The following REST variants were observed in gnomAD, a reference collection of about 807,000 sequenced individuals.
REST encodes RE1-silencing transcription factor.
Under a neutral mutation model 30.4 loss-of-function variants are expected in REST, and 1 was observed. The ratio of observed to expected loss-of-function variants is 0.03; its 90% CI spans 0.01 to 0.16. The LOEUF is 0.16. Ranked by LOEUF, REST falls within the 10% of genes least tolerant of loss-of-function variation. REST has a pLI of 1.00. For missense variants in REST, 1,259 were observed against 1,329.5 expected, an observed-to-expected ratio of 0.95 and a Z score of 0.82; for synonymous variants, 504 against 451.1, an observed-to-expected ratio of 1.12 and a Z score of -1.49.
At chr4:56,908,395 A>G (rs971561338) in intron 1 of REST, among the ~76,000 whole-genome samples, 182 bp downstream of exon 1, 80 of 149,506 alleles carry the variant, frequency 5.4e-4, no homozygotes, top group Non-Finnish European at 9.5e-4. Context: ...GCCGAGCAGG[A>G]TCGGGTTACA....
rs1488268000 is a variant in REST, at chr4:56,911,321, A to G, written c.683A>G (p.Tyr228Cys). 1.2e-6 allele frequency: 2 copies of G among 1,614,028 alleles called. No homozygotes were observed. The highest frequency in any genetic ancestry group is 1.7e-6 in the Non-Finnish European group (2 of 1,180,036). The change falls in exon 2 of 4, where the codon TAT (tyrosine) becomes TGT (cysteine). Residue 228 changes from tyrosine (Y) to cysteine (C), a missense_variant. Physicochemically the swap from Tyr to Cys is radical, Grantham distance 194. Around this residue, in one of 5 missense-constraint regions of REST, gnomAD observed 125 missense variants for 255.4 expected, o/e 0.49. Coordinates refer to ENST00000309042, the MANE Select transcript of REST (RefSeq NM_005612.5). ...CGCTGCGGCTACAATACTAATCGAT[A>G]TGATCACTATACAGCACACCTGAAA... ...CDRCGYNTNR[Y>C]DHYTAHLKHH...
At chr4:56,916,044 T>A (rs1720180779) in intron 2 of REST, among the ~76,000 whole-genome samples, 2 of 147,194 alleles carry the variant, frequency 1.4e-5, no homozygotes, top group South Asian at 4.9e-4. Context: ...GAGGTTGCAG[T>A]GAGTCGAGAT....
chr4:56,922,802 T>C (rs1216640394), intron 3 of REST, among the ~76,000 whole-genome samples: 1 of 152,214 alleles, frequency 6.6e-6, no homozygotes, highest in East Asian at 1.9e-4. Context: ...TTTTCTTCTG[T>C]CCTTTGTATT....
chr4:56,925,211 TG>T (rs1408122103), intron 3 of REST, among the ~76,000 whole-genome samples: 5 of 152,106 alleles, frequency 3.3e-5, no homozygotes, highest in Middle Eastern at 3.4e-3. Flanking sequence ...TCTTGGTTTT[TG>T]TTTTGTTTTG....
intron 2 of REST, among the ~76,000 whole-genome samples, chr4:56,915,311 T>C (rs1445111968): frequency 7.0e-6 from 1 of 143,874 alleles, no homozygotes; most frequent in Non-Finnish European, 1.5e-5. Flanking sequence ...AATGGCGTGA[T>C]CTCTGTTCAC....
chr4:56,918,930 C>T (rs1289695548), intron 2 of REST, among the ~76,000 whole-genome samples: 1 of 151,480 alleles, frequency 6.6e-6, no homozygotes, highest in African/African-American at 2.4e-5. Flanking sequence ...CTTGGCCTCC[C>T]AAAGTGTTGG....
intron 3 of REST, among the ~76,000 whole-genome samples, chr4:56,921,860 A>G (rs774744898): frequency 6.6e-5 from 10 of 152,258 alleles, no homozygotes; most frequent in Non-Finnish European, 1.0e-4. Context: ...ATTAATTTTA[A>G]CTGTTTCCTT....
At chr4:56,917,991 G>T (rs1483776810) in intron 2 of REST, among the ~76,000 whole-genome samples, 2 of 147,304 alleles carry the variant, frequency 1.4e-5, no homozygotes, top group African/African-American at 2.6e-5. Flanking sequence ...GGCATAGCTT[G>T]CAGTGAGCCG....
In REST at chr4:56,931,165, A is replaced by G. The variant is rs766485057; in HGVS notation, c.2307A>G (p.Ile769Met). 2.5e-6 allele frequency: 4 copies of G among 1,605,280 alleles called. No individual in the cohort carries two copies. Among genetic ancestry groups the G allele is most frequent in the South Asian group, 1.1e-5 (1 of 90,708 alleles). Reference sequence around the variant, plus strand: ...TTAAGATAGAGCTGTCTCCTCCCATAGAGGTGGTCCAGAAGGAGCCTGTTC... The same window carrying G: ...TTAAGATAGAGCTGTCTCCTCCCATGGAGGTGGTCCAGAAGGAGCCTGTTC... ...EPVKIELSPP[I>M]EVVQKEPVQM... is the part of the protein sequence containing the mutation. The change falls in exon 4 of 4, where the codon ATA becomes ATG. Residue 769 changes from isoleucine (I) to methionine (M), a missense_variant. Physicochemically the swap from Ile to Met is conservative, Grantham distance 10 (BLOSUM62 1). This residue lies in a region of REST where 856 missense variants were observed against 772.8 expected (regional missense o/e 1.11). Coordinates refer to ENST00000309042, the MANE Select transcript of REST (RefSeq NM_005612.5).
At chr4:56,924,556 C>A (rs910059042) in intron 3 of REST, among the ~76,000 whole-genome samples, 1 of 151,774 alleles carries the variant, frequency 6.6e-6, no homozygotes, top group African/African-American at 2.4e-5. Context: ...CTCTTGGGCT[C>A]AGGCAGTCCT....
Position 56,930,292 on chromosome 4 carries a change from G to T in REST, c.1434G>T (p.Lys478Asn), listed in dbSNP as rs1490140830. The change falls in exon 4 of 4, where the codon AAG (lysine) becomes AAT (asparagine). Residue 478 changes from lysine (K) to asparagine (N), a missense_variant. Lys to Asn is a moderately conservative substitution (Grantham distance 94, BLOSUM62 0). Transcript: ENST00000309042. Reference protein sequence around the residue: ...AEKRDVSKEKKPSNNVSVIQV... With the variant: ...AEKRDVSKEKNPSNNVSVIQV... ...AAAGAGATGTCTCAAAAGAGAAAAA[G>T]CCTTCTAATAATGTGTCAGTGATCC... 3.1e-6 allele frequency: 5 copies of T among 1,613,628 alleles called. No homozygotes were observed. In the South Asian group the frequency reaches 5.5e-5, roughly 18 times the overall value.
intron 3 of REST, among the ~76,000 whole-genome samples, chr4:56,920,871 T>TA (rs1218508373): frequency 1.3e-5 from 2 of 152,164 alleles, no homozygotes; most frequent in Admixed American, 1.3e-4. Flanking sequence ...TTTTTATTTT[T>TA]ATATTTTTTT....
At chr4:56,922,411 T>G (rs1720499302) in intron 3 of REST, 1 of 151,832 alleles carries the variant, frequency 6.6e-6, no homozygotes, top group Non-Finnish European at 1.5e-5. Flanking sequence ...TCTCCCAGGT[T>G]CAAGCGATTC....
intron 3 of REST, 34 bp from the exon 4 acceptor site, chr4:56,929,807 T>C (rs1310299004): frequency 3.2e-6 from 5 of 1,556,266 alleles, no homozygotes; most frequent in Non-Finnish European, 4.3e-6. Context: ...TGTCTTAATC[T>C]ATGTCTTCTC....
intron 2 of REST, among the ~76,000 whole-genome samples, chr4:56,917,782 C>T (rs777786826): frequency 2.0e-4 from 31 of 151,954 alleles, no homozygotes; most frequent in Non-Finnish European, 4.3e-4. Flanking sequence ...CCGGGTGTGG[C>T]GGCTCATGCC....
Position 56,935,198 on chromosome 4 carries a change from A to G in REST, c.*3046A>G, listed in dbSNP as rs1358535184. 2 of 152,184 alleles carry G rather than the reference A, an allele frequency of 1.3e-5. No homozygotes were observed. Among genetic ancestry groups the G allele is most frequent in the Admixed American group, 6.5e-5 (1 of 15,276 alleles). 9.4% of individuals were successfully genotyped at this position (152,184 alleles called of 1,614,324 possible). On this transcript the variant is annotated 3_prime_UTR_variant, in exon 4 of 4. Transcript: ENST00000309042. ...GACCTCATTGCATGTCACCCTATGA[A>G]TGTTGACAATGGAAGGAATACCTTG...
rs139336427 is a variant in REST at position 56,931,106 on chromosome 4, T to A, written c.2248T>A (p.Ser750Thr). The A allele has an allele frequency of 4.5e-4, 720 of 1,596,812 alleles. 1 individual carries two copies. Among genetic ancestry groups the A allele is most frequent in the Admixed American group, 1.2e-3 (72 of 59,318 alleles). Residue 750 changes from serine to threonine, a missense_variant, in exon 4 of 4, where the codon TCT (serine) becomes ACT (threonine). Transcript: ENST00000309042. ...VQKEPVQIEL[S>T]PPMEVVQKEP... ...GAAGGAGCCTGTTCAGATAGAGCTGTCTCCTCCCATGGAGGTGGTCCAGAA... is the reference window on the plus strand; with the variant it reads ...GAAGGAGCCTGTTCAGATAGAGCTGACTCCTCCCATGGAGGTGGTCCAGAA...
At chr4:56,914,085 CA>C (rs1720061304) in intron 2 of REST, among the ~76,000 whole-genome samples, 1 of 152,006 alleles carries the variant, frequency 6.6e-6, no homozygotes, top group Non-Finnish European at 1.5e-5. Flanking sequence ...AGACGCATGC[CA>C]CCACACCTGG....
chr4:56,919,660 C>A (rs535884851), intron 2 of REST, 127 bp from the exon 3 acceptor site: 61 of 460,630 alleles, frequency 1.3e-4, no homozygotes, highest in South Asian at 4.0e-4. Flanking sequence ...GATCTTTTTG[C>A]CAGAAATAGG....
Sources: allele counts gnomAD v4.1 joint callset (sites outside exome capture counted in the v4.1 genomes callset), GRCh38; gene constraint gnomAD v4.1.1; regional missense constraint gnomAD v4.1.1; transcripts MANE v1.5; gene names NCBI Gene and HGNC (gene_info 2026-07-23, HGNC 2026-07-21).